VAV2: variants seen among roughly 807,000 people sequenced by gnomAD.
The protein encoded by VAV2 is vav guanine nucleotide exchange factor 2, also known as guanine nucleotide exchange factor VAV2.
In VAV2, 67 loss-of-function variants were observed where a neutral mutation model predicts 132.5. That is an observed-to-expected ratio of 0.51 (90% CI 0.42 to 0.62). VAV2 has a LOEUF of 0.62. Among genes scored for constraint, VAV2 ranks in the 20% least tolerant of loss-of-function variants. VAV2 has a pLI of 0.00. For synonymous variants in VAV2, 492 were observed against 443.5 expected (o/e 1.11, Z -1.37); for missense variants, 938 against 1,153.6 (o/e 0.81, Z 2.71).
At position 133,934,190 on chromosome 9, in the gene VAV2, A is replaced by T. The variant is rs538667101; in HGVS notation, c.321+4913T>A. Reference sequence around the variant, plus strand: ...ATGAATGCTTTTTGTCTTCCCAAGGAATGACTCCCACAACATGAGAGACTT... The same window carrying T: ...ATGAATGCTTTTTGTCTTCCCAAGGTATGACTCCCACAACATGAGAGACTT... On this transcript the variant is annotated intron_variant, in intron 2 of 29. Transcript: ENST00000371850. Among the ~76,000 whole-genome samples the T allele has an allele frequency of 6.7e-5, 9 of 134,952 alleles. No individual in the cohort carries two copies. In the South Asian group the frequency reaches 1.9e-3, roughly 29 times the overall value. The allele number at this position is 134,952 out of a possible 152,430, so 88.5% of individuals were successfully genotyped here. A position where few individuals can be genotyped will look rare whatever the true frequency, so the allele number is the denominator to read the frequency against.
rs1838675449 is a variant in VAV2, at chr9:133,885,668, A to G, written c.322-24236T>C. Among the ~76,000 whole-genome samples, 2 of 152,074 alleles carry G rather than the reference A, an allele frequency of 1.3e-5. No homozygotes were observed. The highest frequency in any genetic ancestry group is 2.9e-5 in the Non-Finnish European group (2 of 68,016). On this transcript the variant is annotated intron_variant, in intron 2 of 29. Transcript: ENST00000371850. The surrounding 1 kb of genome is among the most constrained non-coding windows in gnomAD (Gnocchi z 5.0). ...CCCCCACCTCCAATTTCCATCTAAC[A>G]GCTCTGAAATGACTGGACTCTGCAT...
chr9:133,764,193 A>C, intron 29 of VAV2, 84 bp from the exon 30 acceptor site: 13 of 1,561,560 alleles, frequency 8.3e-6, no homozygotes, highest in Non-Finnish European at 1.1e-5. Context: ...GGTGAGGGCA[A>C]GTAGAGGCTC....
At position 133,828,435 on chromosome 9, in the gene VAV2, G is replaced by A. The variant is rs12339158; in HGVS notation, c.449+5837C>T. Among the ~76,000 whole-genome samples, 46 of 10,278 alleles carry A rather than the reference G, an allele frequency of 4.5e-3. 9 individuals are homozygous for A. Among genetic ancestry groups the A allele is most frequent in the East Asian group, 7.0e-3 (2 of 284 alleles). The allele number at this position is 10,278 out of a possible 152,430, so 6.7% of individuals were successfully genotyped here. A position where few individuals can be genotyped will look rare whatever the true frequency, so the allele number is the denominator to read the frequency against. On this transcript the variant is annotated intron_variant, in intron 4 of 29. Coordinates refer to ENST00000371850, the MANE Select transcript of VAV2 (RefSeq NM_001134398.2). Reference sequence around the variant, plus strand: ...TCACCACCTACCGCTGCGCCCACTGGGGCTGACCACTGACCACGGGCATCG... The same window carrying A: ...TCACCACCTACCGCTGCGCCCACTGAGGCTGACCACTGACCACGGGCATCG...
chr9:133,931,856 C>T (rs531614856), intron 2 of VAV2, among the ~76,000 whole-genome samples: 19 of 152,294 alleles, frequency 1.2e-4, no homozygotes, highest in Admixed American at 3.9e-4. Flanking sequence ...GGGAGGACAG[C>T]GAGGGTTTGA....
chr9:133,957,428 ATG>A (rs909280820), intron 1 of VAV2, among the ~76,000 whole-genome samples: 3 of 151,980 alleles, frequency 2.0e-5, no homozygotes, highest in African/African-American at 7.3e-5. Flanking sequence ...GGGGTTTTTT[ATG>A]TGTGTGTGGT....
At chr9:133,774,525 G>A (rs1554769354) in intron 25 of VAV2, among the ~76,000 whole-genome samples, 1 of 152,142 alleles carries the variant, frequency 6.6e-6, no homozygotes, top group African/African-American at 2.4e-5. Context: ...GTAGTCACAG[G>A]AGACACCCTC....
At chr9:133,934,406 C>A (rs912571615) in intron 2 of VAV2, among the ~76,000 whole-genome samples, 4 of 152,194 alleles carry the variant, frequency 2.6e-5, no homozygotes, top group African/African-American at 7.2e-5. Context: ...CCTGGAGAAC[C>A]GGGGAAGCAT....
At chr9:133,889,611 A>G (rs932073324) in intron 2 of VAV2, among the ~76,000 whole-genome samples, 1 of 152,146 alleles carries the variant, frequency 6.6e-6, no homozygotes, top group East Asian at 1.9e-4. Flanking sequence ...CCAGTCCCAC[A>G]CTGCAACTGC....
chr9:133,932,956 G>A (rs1327105125), intron 2 of VAV2, among the ~76,000 whole-genome samples: 1 of 152,234 alleles, frequency 6.6e-6, no homozygotes, highest in Admixed American at 6.5e-5. Flanking sequence ...CCTGGGTTAA[G>A]GAAACCCTCT....
intron 1 of VAV2, among the ~76,000 whole-genome samples, chr9:133,985,792 G>A (rs1477540043): frequency 1.3e-5 from 2 of 152,206 alleles, no homozygotes; most frequent in African/African-American, 4.8e-5. Context: ...AAGACACAGG[G>A]AAGCAAGCCG....
chr9:133,803,561 G>A (rs1323333143), intron 9 of VAV2, among the ~76,000 whole-genome samples: 1 of 152,184 alleles, frequency 6.6e-6, no homozygotes. Context: ...CTGGGTGGGA[G>A]ATGCCCCCTT....
intron 3 of VAV2, among the ~76,000 whole-genome samples, chr9:133,847,577 T>G (rs1836985927): frequency 6.6e-6 from 1 of 152,140 alleles, no homozygotes; most frequent in Non-Finnish European, 1.5e-5. Flanking sequence ...AGGGGCTCCA[T>G]GCCTAGATGA....
intron 2 of VAV2, among the ~76,000 whole-genome samples, chr9:133,911,085 G>C (rs1197507998): frequency 6.6e-6 from 1 of 152,172 alleles, no homozygotes; most frequent in East Asian, 1.9e-4. Flanking sequence ...GGCCGGGCAC[G>C]CCCCTTCTTG....
At chr9:133,954,141 C>T (rs1282451047) in intron 1 of VAV2, among the ~76,000 whole-genome samples, 1 of 152,226 alleles carries the variant, frequency 6.6e-6, no homozygotes, top group Non-Finnish European at 1.5e-5. Context: ...TGGGGAATCA[C>T]TCCGTGGTTA....
At chr9:133,792,853 G>C (rs538490873) in intron 12 of VAV2, among the ~76,000 whole-genome samples, 3 of 152,056 alleles carry the variant, frequency 2.0e-5, no homozygotes, top group Non-Finnish European at 4.4e-5. Context: ...GCCACACCTC[G>C]TCAGTGATGA....
chr9:133,869,837 C>T (rs566834890), intron 2 of VAV2, among the ~76,000 whole-genome samples: 10 of 152,336 alleles, frequency 6.6e-5, no homozygotes, highest in East Asian at 3.9e-4. Context: ...GAAACACACA[C>T]GCACACGCAG....
intron 1 of VAV2, among the ~76,000 whole-genome samples, chr9:133,990,585 C>A (rs575730966): frequency 6.6e-6 from 1 of 152,312 alleles, no homozygotes; most frequent in Admixed American, 6.5e-5. Context: ...GAATCCTGCC[C>A]GAGCAAGTCA....
At chr9:133,968,118 T>C (rs538928194) in intron 1 of VAV2, among the ~76,000 whole-genome samples, 1 of 151,568 alleles carries the variant, frequency 6.6e-6, no homozygotes, top group East Asian at 1.9e-4. Flanking sequence ...CAGGAACGAG[T>C]CCTAGTGCTC....
At chr9:133,835,071 T>A (rs1332240380) in intron 3 of VAV2, among the ~76,000 whole-genome samples, 8 of 151,814 alleles carry the variant, frequency 5.3e-5, no homozygotes, top group Non-Finnish European at 8.8e-5. Context: ...TATATATATA[T>A]AACACATAAA....
Sources: allele counts gnomAD v4.1 joint callset (sites outside exome capture counted in the v4.1 genomes callset), GRCh38; gene constraint gnomAD v4.1.1; non-coding constraint Gnocchi (gnomAD v3.1); transcripts MANE v1.5; gene names NCBI Gene and HGNC (gene_info 2026-07-23, HGNC 2026-07-21).